The following DIAPH3 variants were observed in gnomAD, a reference collection of about 807,000 sequenced individuals.
DIAPH3 encodes the protein diaphanous related formin 3.
In DIAPH3, 117 loss-of-function variants were observed where a neutral mutation model predicts 144.3. That is an observed-to-expected ratio of 0.81 (90% CI 0.70 to 0.95). DIAPH3 has a LOEUF of 0.95. Ranked by LOEUF, DIAPH3 falls within the 40% of genes least tolerant of loss-of-function variation. The pLI, the probability that DIAPH3 is intolerant of heterozygous loss-of-function variation, is 0.00. For missense variants in DIAPH3, 1,421 were observed against 1,412.7 expected, an observed-to-expected ratio of 1.01 and a Z score of -0.09; for synonymous variants, 519 against 488.9, an observed-to-expected ratio of 1.06 and a Z score of -0.81.
chr13:60,041,002 C>T (rs1284308357), intron 5 of DIAPH3, among the ~76,000 whole-genome samples: 12 of 152,090 alleles, frequency 7.9e-5, no homozygotes, highest in African/African-American at 2.4e-4. Context: ...TTAGTAGAGA[C>T]GGGGTTTCGC....
intron 17 of DIAPH3, among the ~76,000 whole-genome samples, chr13:59,960,772 A>G (rs1035661717): frequency 2.0e-5 from 3 of 152,166 alleles, no homozygotes; most frequent in Admixed American, 6.5e-5. Context: ...CAACAAGAAA[A>G]GCAGTTTAGA....
chr13:59,916,169 C>G lies in DIAPH3; in HGVS notation c.2251G>C (p.Glu751Gln). Reference sequence around the variant, plus strand: ...TGTTTGTTTACCTGAATCATAGACTCTGCCAACCGTGTTTCATCTACTTCC... The same window carrying G: ...TGTTTGTTTACCTGAATCATAGACTGTGCCAACCGTGTTTCATCTACTTCC... ...ILEVDETRLA[E>Q]SMIQNLIKHL... Residue 751 changes from glutamate to glutamine, a missense_variant, in exon 19 of 28, where the codon GAG becomes CAG. Glu to Gln is a conservative substitution (Grantham distance 29). Transcript: ENST00000400324. 6.2e-7 allele frequency: 1 copy of G among 1,613,020 alleles called. No homozygotes were observed. The highest frequency in any genetic ancestry group is 1.3e-5 in the African/African-American group (1 of 74,992).
Position 60,052,821 on chromosome 13 carries a change from T to C in DIAPH3, c.496-10001A>G, listed in dbSNP as rs1337269393. Among the ~76,000 whole-genome samples, 6 of 150,818 alleles carry C rather than the reference T, an allele frequency of 4.0e-5. No homozygotes were observed. The East Asian group carries it at 1.2e-3, about 29-fold the overall frequency. On this transcript the variant is annotated intron_variant, in intron 4 of 27. Coordinates refer to ENST00000400324, the MANE Select transcript of DIAPH3 (RefSeq NM_001042517.2). Reference sequence around the variant, plus strand: ...ACTAAAAATACAAAAATTAGCCAGGTTTGGTAGGATCCATCTGTAGTCCCA... The same window carrying C: ...ACTAAAAATACAAAAATTAGCCAGGCTTGGTAGGATCCATCTGTAGTCCCA...
chr13:59,819,279 C>A (rs143759257), intron 24 of DIAPH3, among the ~76,000 whole-genome samples: 55 of 151,946 alleles, frequency 3.6e-4, no homozygotes, highest in Admixed American at 5.9e-4. Flanking sequence ...GTTTTCATTC[C>A]CAGGGCAGGC....
chr13:59,966,643 A>G (rs1388728610), intron 17 of DIAPH3, among the ~76,000 whole-genome samples: 1 of 152,186 alleles, frequency 6.6e-6, no homozygotes, highest in Non-Finnish European at 1.5e-5. Context: ...TTACTTGACA[A>G]CAAATAAAGT....
In DIAPH3 at chr13:59,668,634, T is replaced by C. The variant is rs149507906; in HGVS notation, c.3320-1788A>G. Among the ~76,000 whole-genome samples the C allele has an allele frequency of 1.1e-3, 161 of 152,296 alleles. 2 individuals are homozygous for C. In the East Asian group the frequency reaches 0.024, roughly 23 times the overall value. ...GTGCAAAGTAGGTGCTCAATAAATA[T>C]GTGTTGGGTAAAGAAATTATTTCCA... On this transcript the variant is annotated intron_variant, in intron 27 of 27. Transcript: ENST00000400324.
chr13:59,741,703 C>CAAA lies in DIAPH3; in HGVS notation c.3319+32483_3319+32485dup, dbSNP rs756556231. Among the ~76,000 whole-genome samples the CAAA allele has an allele frequency of 4.1e-3, 382 of 93,736 alleles. 4 individuals are homozygous for CAAA. The highest frequency in any genetic ancestry group is 0.013 in the African/African-American group (318 of 23,874). The allele number at this position is 93,736 out of a possible 152,430, so 61.5% of individuals were successfully genotyped here. A position where few individuals can be genotyped will look rare whatever the true frequency, so the allele number is the denominator to read the frequency against. ...CTGCCTTCCAGCCTGGGCAACAAAG[C>CAAA]AAAAAAAAAAAAGAAAGAAAGAAAA... On this transcript the variant is annotated intron_variant, in intron 27 of 27. Coordinates refer to ENST00000400324, the MANE Select transcript of DIAPH3 (RefSeq NM_001042517.2).
chr13:59,892,405 T>A lies in DIAPH3; in HGVS notation c.2368-12937A>T, dbSNP rs865982133. Among the ~76,000 whole-genome samples, 3 of 151,752 alleles carry A rather than the reference T, an allele frequency of 2.0e-5. No individual in the cohort carries two copies. In the East Asian group the frequency reaches 5.8e-4, roughly 29 times the overall value. On this transcript the variant is annotated intron_variant, in intron 20 of 27. Coordinates refer to ENST00000400324, the MANE Select transcript of DIAPH3 (RefSeq NM_001042517.2). The stretch of plus-strand genomic sequence containing the variant: ...ATGAAACTGGAAACCATTAGAAGGG[T>A]CAAAGAAAAAACTGAAAGAATTCAT...
chr13:59,951,136 A>T (rs904621899), intron 17 of DIAPH3, among the ~76,000 whole-genome samples: 1 of 152,092 alleles, frequency 6.6e-6, no homozygotes, highest in African/African-American at 2.4e-5. Context: ...CAAATCTCCT[A>T]TTGTAGTTCC....
intron 12 of DIAPH3, among the ~76,000 whole-genome samples, chr13:59,990,742 C>T (rs1291632466): frequency 6.6e-6 from 1 of 151,892 alleles, no homozygotes; most frequent in Non-Finnish European, 1.5e-5. Context: ...ATATTAGCAA[C>T]ATTAAACGCA....
chr13:59,764,124 T>C (rs1481962896), intron 27 of DIAPH3, among the ~76,000 whole-genome samples: 1 of 152,012 alleles, frequency 6.6e-6, no homozygotes, highest in Non-Finnish European at 1.5e-5. Flanking sequence ...CCTTAGGTCA[T>C]CTTCTGTGTT....
chr13:59,808,135 GA>G (rs552112112), intron 25 of DIAPH3, among the ~76,000 whole-genome samples: 16 of 150,650 alleles, frequency 1.1e-4, no homozygotes, highest in Non-Finnish European at 2.4e-4. Flanking sequence ...AAAGGTGACA[GA>G]AAAAAATCAC....
intron 1 of DIAPH3, among the ~76,000 whole-genome samples, chr13:60,139,219 A>G (rs1274485758): frequency 6.6e-6 from 1 of 152,218 alleles, no homozygotes; most frequent in Non-Finnish European, 1.5e-5. Context: ...ATAATACTGA[A>G]GCTTTCATAG....
intron 24 of DIAPH3, among the ~76,000 whole-genome samples, chr13:59,828,397 A>AGTAT (rs764320351): frequency 1.3e-5 from 2 of 151,988 alleles, no homozygotes; most frequent in Non-Finnish European, 2.9e-5. Context: ...ATGAAAAGAA[A>AGTAT]GTATGCCCTG....
intron 25 of DIAPH3, among the ~76,000 whole-genome samples, chr13:59,784,391 TTA>T (rs869230964): frequency 6.8e-6 from 1 of 146,422 alleles, no homozygotes; most frequent in African/African-American, 2.5e-5. Flanking sequence ...TATATTATTA[TTA>T]TTTTTTGAAG....
chr13:60,088,380 T>C (rs1017870507), intron 4 of DIAPH3, among the ~76,000 whole-genome samples: 11 of 152,078 alleles, frequency 7.2e-5, no homozygotes, highest in African/African-American at 2.7e-4. Flanking sequence ...TCCTTTCCTA[T>C]CTATCTCTCA....
intron 3 of DIAPH3, among the ~76,000 whole-genome samples, chr13:60,107,071 G>GGT (rs2058440368): frequency 6.6e-6 from 1 of 152,154 alleles, no homozygotes; most frequent in African/African-American, 2.4e-5. Context: ...AATAGTGTGT[G>GGT]AGGTAGAAAT....
intron 27 of DIAPH3, among the ~76,000 whole-genome samples, chr13:59,697,434 T>A (rs2033868130): frequency 9.3e-6 from 1 of 108,038 alleles, no homozygotes; most frequent in East Asian, 3.2e-4. Flanking sequence ...CACTCCAGCC[T>A]GGGCGACAGA....
At chr13:59,760,733 T>C (rs1157302775) in intron 27 of DIAPH3, among the ~76,000 whole-genome samples, 1 of 152,168 alleles carries the variant, frequency 6.6e-6, no homozygotes, top group Non-Finnish European at 1.5e-5. Flanking sequence ...AAGGTGGCAA[T>C]ACAAACTAGG....
Sources: gnomAD v4.1 joint callset for allele counts (sites outside exome capture counted in the v4.1 genomes callset) on GRCh38, gnomAD v4.1.1 for gene constraint, MANE v1.5 for transcripts, NCBI Gene and HGNC (gene_info 2026-07-23, HGNC 2026-07-21) for gene names.